Variants in FBXW11 observed in about 807,000 individuals in gnomAD.
The protein encoded by FBXW11 is F-box/WD repeat-containing protein 11.
Under a neutral mutation model 77.6 loss-of-function variants are expected in FBXW11, and 19 were observed. The ratio of observed to expected loss-of-function variants is 0.24; its 90% confidence interval spans 0.17 to 0.36. The LOEUF (loss-of-function observed/expected upper bound fraction) is 0.36, where lower values mean the gene tolerates loss of function less well. Among genes scored for constraint, FBXW11 ranks in the 10% least tolerant of loss-of-function variants. The pLI is 1.00. For missense variants in FBXW11, 334 were observed against 704.2 expected, an observed-to-expected ratio of 0.47 and a Z score of 5.95; for synonymous variants, 235 against 249.4, an observed-to-expected ratio of 0.94 and a Z score of 0.54.
chr5:172,003,875 T>C (rs1178658791), intron 1 of FBXW11, among the ~76,000 whole-genome samples: 1 of 152,228 alleles, frequency 6.6e-6, no homozygotes, highest in Admixed American at 6.5e-5. Flanking sequence ...CTCTTTTTAA[T>C]ACAGCACACT....
intron 13 of FBXW11, among the ~76,000 whole-genome samples, chr5:171,865,210 T>A (rs900565227): frequency 6.6e-6 from 1 of 151,022 alleles, no homozygotes; most frequent in Non-Finnish European, 1.5e-5. Flanking sequence ...GAGGGGAGCA[T>A]AAACTGACTG....
chr5:171,917,751 C>T (rs1474502722), intron 2 of FBXW11, among the ~76,000 whole-genome samples: 4 of 136,942 alleles, frequency 2.9e-5, no homozygotes, highest in Non-Finnish European at 4.8e-5. Context: ...CACATCCTTG[C>T]ACTCTAGACT....
chr5:171,953,433 T>C (rs1763451106), intron 2 of FBXW11, among the ~76,000 whole-genome samples: 1 of 152,116 alleles, frequency 6.6e-6, no homozygotes, highest in African/African-American at 2.4e-5. Flanking sequence ...TAATGCTTAT[T>C]AGAAAACAGA....
intron 1 of FBXW11, among the ~76,000 whole-genome samples, chr5:171,963,816 C>T (rs1212813999): frequency 6.6e-6 from 1 of 152,040 alleles, no homozygotes; most frequent in African/African-American, 2.4e-5. Flanking sequence ...GAATATTTGC[C>T]GCAAACGATA....
intron 1 of FBXW11, among the ~76,000 whole-genome samples, chr5:171,963,208 T>C (rs991149980): frequency 2.7e-5 from 4 of 150,370 alleles, no homozygotes; most frequent in African/African-American, 7.4e-5. Context: ...CACACACACA[T>C]ATATATATAC....
At chr5:171,928,804 G>A (rs1762016433) in intron 2 of FBXW11, among the ~76,000 whole-genome samples, 1 of 152,202 alleles carries the variant, frequency 6.6e-6, no homozygotes, top group Non-Finnish European at 1.5e-5. Flanking sequence ...CGGGCACAGT[G>A]GCTCACACCT....
chr5:171,976,563 G>A (rs549197257), intron 1 of FBXW11, among the ~76,000 whole-genome samples: 3 of 152,206 alleles, frequency 2.0e-5, no homozygotes, highest in Admixed American at 6.5e-5. Flanking sequence ...AGGTCATGAG[G>A]GCTCCACTCT....
Position 171,876,556 on chromosome 5 carries a change from T to A in FBXW11, c.972-22A>T, listed in dbSNP as rs367673917. 23 of 1,607,744 alleles carry A rather than the reference T, an allele frequency of 1.4e-5. No homozygotes were observed. On this transcript the variant is annotated intron_variant, in intron 8 of 13. Transcript: ENST00000517395. The surrounding 1 kb of genome is among the most constrained non-coding windows in gnomAD (Gnocchi z 4.2). ...CACTCTAGGAGAGAAGAGAAAAGCATGATGCTTAATTATGGAGACAGCCAG... is the reference window on the plus strand; with the variant it reads ...CACTCTAGGAGAGAAGAGAAAAGCAAGATGCTTAATTATGGAGACAGCCAG...
At position 171,926,161 on chromosome 5, in the gene FBXW11, TTAAAAG is replaced by T. The variant is rs537061558; in HGVS notation, c.148-11762_148-11757del. ...GGAAAAGTGATTTTGAAGTTAAACT[TTAAAAG>T]TAAGTAAAAGATTCACACCAAGACC... On this transcript the variant is annotated intron_variant, in intron 2 of 13. Transcript: ENST00000517395. Among the ~76,000 whole-genome samples the T allele has an allele frequency of 1.4e-4, 22 of 152,286 alleles. No individual in the cohort carries two copies. In the East Asian group the frequency reaches 4.2e-3, roughly 29 times the overall value.
intron 2 of FBXW11, among the ~76,000 whole-genome samples, chr5:171,950,359 C>A (rs1313029798): frequency 6.6e-6 from 1 of 151,510 alleles, no homozygotes; most frequent in African/African-American, 2.4e-5. Flanking sequence ...GCTGTACACA[C>A]TTAAGATTTT....
intron 9 of FBXW11, among the ~76,000 whole-genome samples, chr5:171,874,690 G>C (rs1757961141): frequency 7.3e-6 from 1 of 136,628 alleles, no homozygotes; most frequent in Non-Finnish European, 1.5e-5. Flanking sequence ...TTGGAAAACA[G>C]TTTGGCAGTT....
chr5:171,900,461 A>G (rs1760039919), intron 4 of FBXW11, among the ~76,000 whole-genome samples: 1 of 152,186 alleles, frequency 6.6e-6, no homozygotes, highest in Non-Finnish European at 1.5e-5. Flanking sequence ...ACAGAAAGGT[A>G]AAGAACTCAA....
chr5:171,890,298 G>A (rs1038637977), intron 7 of FBXW11, among the ~76,000 whole-genome samples: 6 of 152,164 alleles, frequency 3.9e-5, no homozygotes, highest in South Asian at 2.1e-4. Flanking sequence ...TGGGGCAGGC[G>A]CATTACTTGA....
chr5:171,877,763 T>C (rs540376660), intron 8 of FBXW11, among the ~76,000 whole-genome samples: 2 of 152,326 alleles, frequency 1.3e-5, no homozygotes, highest in Admixed American at 6.5e-5. Context: ...GCCAGCCTAA[T>C]ACTTGGTATA....
intron 1 of FBXW11, among the ~76,000 whole-genome samples, chr5:171,974,369 G>A (rs762253049): frequency 4.7e-5 from 7 of 149,726 alleles, no homozygotes; most frequent in Non-Finnish European, 8.9e-5. Context: ...AGGAGGCGGA[G>A]GTTATGGTGA....
chr5:171,881,762 G>A (rs1280495776), intron 7 of FBXW11, among the ~76,000 whole-genome samples: 2 of 152,168 alleles, frequency 1.3e-5, no homozygotes, highest in African/African-American at 2.4e-5. Flanking sequence ...AACAGATAAA[G>A]GCCTATTCAG....
At chr5:171,939,802 T>G (rs1323119267) in intron 2 of FBXW11, among the ~76,000 whole-genome samples, 1 of 151,976 alleles carries the variant, frequency 6.6e-6, no homozygotes, top group Admixed American at 6.6e-5. Context: ...GCAAGGCGTG[T>G]CATCCCTCAG....
intron 1 of FBXW11, among the ~76,000 whole-genome samples, chr5:172,001,489 G>A (rs574333656): frequency 7.2e-5 from 11 of 152,314 alleles, no homozygotes; most frequent in Non-Finnish European, 1.3e-4. Flanking sequence ...AGAAGACACC[G>A]TGTGTATGAA....
chr5:171,896,591 AAAC>A (rs779710439), intron 6 of FBXW11, among the ~76,000 whole-genome samples: 2 of 152,178 alleles, frequency 1.3e-5, no homozygotes, highest in Non-Finnish European at 2.9e-5. Flanking sequence ...TGAAAATGAC[AAAC>A]AACAACTCTC....
Sources: gnomAD v4.1 joint callset for allele counts (sites outside exome capture counted in the v4.1 genomes callset) on GRCh38, gnomAD v4.1.1 for gene constraint, Gnocchi (gnomAD v3.1) non-coding constraint, MANE v1.5 for transcripts, NCBI Gene and HGNC (gene_info 2026-07-23, HGNC 2026-07-21) for gene names.